Variants in TMEM132B observed in about 807,000 individuals in gnomAD.
The protein encoded by TMEM132B is transmembrane protein 132B.
Under a neutral mutation model 90.8 loss-of-function variants are expected in TMEM132B, and 18 were observed. The ratio of observed to expected loss-of-function variants is 0.20; its 90% CI spans 0.14 to 0.29. TMEM132B has a LOEUF of 0.29. Among genes scored for constraint, TMEM132B ranks in the 10% least tolerant of loss-of-function variants. The pLI is 1.00. For synonymous variants in TMEM132B, 504 were observed against 523.3 expected, an observed-to-expected ratio of 0.96 and a Z score of 0.50; for missense variants, 1,096 against 1,326.8, an observed-to-expected ratio of 0.83 and a Z score of 2.70.
intron 1 of TMEM132B, among the ~76,000 whole-genome samples, chr12:125,282,027 CAAAAAAAAAAAAAA>C (rs869083244): frequency 3.7e-4 from 6 of 16,058 alleles, no homozygotes; most frequent in Admixed American, 9.7e-4. Flanking sequence ...GACTCCGTCT[CAAAAAAAAAAAAAA>C]AAAAAAAAAA....
At chr12:125,216,465 A>G (rs1446587518) in intron 1 of TMEM132B, among the ~76,000 whole-genome samples, 1 of 152,196 alleles carries the variant, frequency 6.6e-6, no homozygotes, top group Admixed American at 6.5e-5. Flanking sequence ...GGAGGTGAAC[A>G]CAAAACTTCA....
At chr12:125,443,841 T>C (rs575735294) in intron 3 of TMEM132B, among the ~76,000 whole-genome samples, 1 of 152,290 alleles carries the variant, frequency 6.6e-6, no homozygotes, top group South Asian at 2.1e-4. Flanking sequence ...ATTCTACTTG[T>C]TTTCTCTGGT....
chr12:125,477,010 A>G (rs1003860604), intron 3 of TMEM132B, among the ~76,000 whole-genome samples: 2 of 152,176 alleles, frequency 1.3e-5, no homozygotes, highest in East Asian at 3.8e-4. Flanking sequence ...GCCAACTGTA[A>G]TATATGGAGT....
At chr12:125,504,195 G>T (rs1882770644) in intron 3 of TMEM132B, among the ~76,000 whole-genome samples, 3 of 152,276 alleles carry the variant, frequency 2.0e-5, no homozygotes, top group South Asian at 4.2e-4. Flanking sequence ...TTGAAAATCT[G>T]CCAGGTGAGT....
chr12:125,258,217 G>GGT (rs1874483573), intron 1 of TMEM132B, among the ~76,000 whole-genome samples: 1 of 152,154 alleles, frequency 6.6e-6, no homozygotes, highest in African/African-American at 2.4e-5. Context: ...CCGTGTTCCA[G>GGT]GTACTATTGC....
intron 1 of TMEM132B, among the ~76,000 whole-genome samples, chr12:125,194,257 A>G (rs978954700): frequency 6.8e-6 from 1 of 146,126 alleles, no homozygotes; most frequent in African/African-American, 2.4e-5. Flanking sequence ...GCCTGGTCTG[A>G]ATTAACCCGT....
chr12:125,298,441 AG>A (rs1031904919), intron 1 of TMEM132B, among the ~76,000 whole-genome samples: 25 of 150,546 alleles, frequency 1.7e-4, no homozygotes, highest in African/African-American at 5.9e-4. Context: ...TGGGAGGCTG[AG>A]GTTGGCGGAT....
At chr12:125,330,580 T>C (rs1876737945) in intron 1 of TMEM132B, among the ~76,000 whole-genome samples, 1 of 152,200 alleles carries the variant, frequency 6.6e-6, no homozygotes, top group Non-Finnish European at 1.5e-5. Flanking sequence ...TTTTTTACTG[T>C]GAAATGGCAA....
At chr12:125,212,877 C>T (rs73233318) in intron 1 of TMEM132B, among the ~76,000 whole-genome samples, 347 of 152,188 alleles carry the variant, frequency 2.3e-3, no homozygotes, top group Non-Finnish European at 4.1e-3. Context: ...CTATCATCGA[C>T]AGGGTCTAAC....
chr12:125,539,390 G>A (rs972540861), intron 4 of TMEM132B, among the ~76,000 whole-genome samples: 3 of 152,078 alleles, frequency 2.0e-5, no homozygotes, highest in African/African-American at 2.4e-5. Context: ...TCTTCTCCCC[G>A]CCCAGGTCTT....
chr12:125,235,655 G>A (rs539066438), intron 1 of TMEM132B, among the ~76,000 whole-genome samples: 4 of 152,052 alleles, frequency 2.6e-5, no homozygotes, highest in African/African-American at 4.8e-5. Context: ...TCACTGATCC[G>A]CTCTCTGTCT....
intron 2 of TMEM132B, among the ~76,000 whole-genome samples, chr12:125,350,759 C>T (rs1051524476): frequency 1.3e-5 from 2 of 152,210 alleles, no homozygotes; most frequent in Non-Finnish European, 2.9e-5. Context: ...AAGAATGGCT[C>T]TCAGGTGCTT....
At chr12:125,551,975 A>C (rs1303850755) in intron 4 of TMEM132B, among the ~76,000 whole-genome samples, 2 of 152,144 alleles carry the variant, frequency 1.3e-5, no homozygotes, top group Non-Finnish European at 2.9e-5. Context: ...GAGATGACAA[A>C]TGTTTTCTTT....
intron 2 of TMEM132B, among the ~76,000 whole-genome samples, chr12:125,354,366 A>G (rs1373808095): frequency 6.6e-6 from 1 of 152,156 alleles, no homozygotes; most frequent in African/African-American, 2.4e-5. Context: ...TTTATATACC[A>G]TTTTCTTTGA....
intron 2 of TMEM132B, among the ~76,000 whole-genome samples, chr12:125,373,214 A>G (rs1204053298): frequency 6.6e-6 from 1 of 152,228 alleles, no homozygotes; most frequent in Non-Finnish European, 1.5e-5. Context: ...AGCAAATGGG[A>G]ACCACACGCC....
chr12:125,234,143 G>A (rs1299772839), intron 1 of TMEM132B, among the ~76,000 whole-genome samples: 4 of 152,172 alleles, frequency 2.6e-5, no homozygotes, highest in South Asian at 2.1e-4. Flanking sequence ...TCTGTCTGTG[G>A]GCAAGTGGCT....
At chr12:125,206,457 T>C (rs758953507) in intron 1 of TMEM132B, among the ~76,000 whole-genome samples, 2 of 152,112 alleles carry the variant, frequency 1.3e-5, no homozygotes, top group African/African-American at 2.4e-5. Flanking sequence ...AGGCTGGTCT[T>C]GAACTCCTGG....
At chr12:125,215,113 C>T (rs757694935) in intron 1 of TMEM132B, among the ~76,000 whole-genome samples, 12 of 152,234 alleles carry the variant, frequency 7.9e-5, no homozygotes, top group Non-Finnish European at 1.2e-4. Context: ...CCTGATGCTC[C>T]TCCACTTCTG....
At chr12:125,403,393 C>G (rs1174067207) in intron 2 of TMEM132B, among the ~76,000 whole-genome samples, 1 of 152,200 alleles carries the variant, frequency 6.6e-6, no homozygotes. Flanking sequence ...ATGCTACTGC[C>G]ACCTTGTGGT....
Sources: gnomAD v4.1 joint callset for allele counts (sites outside exome capture counted in the v4.1 genomes callset) on GRCh38, gnomAD v4.1.1 for gene constraint, MANE v1.5 for transcripts, NCBI Gene and HGNC (gene_info 2026-07-23, HGNC 2026-07-21) for gene names.